The following SERGEF variants were observed in gnomAD, a reference collection of about 807,000 sequenced individuals.
SERGEF encodes secretion-regulating guanine nucleotide exchange factor.
In SERGEF, 51 loss-of-function variants were observed where a neutral mutation model predicts 50.0. That is an observed-to-expected ratio of 1.02 (90% CI 0.81 to 1.29). The LOEUF is 1.29. Among genes scored for constraint, SERGEF ranks in the 50% most tolerant of loss-of-function variants. The pLI is 0.00. For synonymous variants in SERGEF, 205 were observed against 212.4 expected (o/e 0.97, Z 0.30); for missense variants, 521 against 557.0 (o/e 0.94, Z 0.65).
chr11:18,000,458 T>C, intron 5 of SERGEF, 39 bp downstream of exon 5: 1 of 1,402,720 alleles, frequency 7.1e-7, no homozygotes, highest in Non-Finnish European at 9.8e-7. Context: ...CTAAAAAGTA[T>C]TAAAAATAAA....
intron 9 of SERGEF, among the ~76,000 whole-genome samples, chr11:17,885,469 A>T (rs1315438546): frequency 1.3e-5 from 2 of 151,628 alleles, no homozygotes; most frequent in Non-Finnish European, 2.9e-5. Context: ...CTACAGGTAC[A>T]CACCACTATG....
At chr11:17,973,539 G>T (rs999338502) in intron 8 of SERGEF, among the ~76,000 whole-genome samples, 2 of 152,200 alleles carry the variant, frequency 1.3e-5, no homozygotes, top group Non-Finnish European at 2.9e-5. Flanking sequence ...TTCACCCAGA[G>T]GCAGCAGTAG....
intron 9 of SERGEF, among the ~76,000 whole-genome samples, chr11:17,947,235 C>G (rs925389182): frequency 6.6e-6 from 1 of 152,292 alleles, no homozygotes; most frequent in South Asian, 2.1e-4. Flanking sequence ...CCTCAAGTAG[C>G]TCATACTTGA....
rs141832030 is a variant in SERGEF at position 17,884,210 on chromosome 11, G to A, written c.1012-5966C>T. Reference sequence around the variant, plus strand: ...GGTGCTATGGCAACGAGGCGTACGTGCGGAAACACATGATGGCCAGGGTGG... The same window carrying A: ...GGTGCTATGGCAACGAGGCGTACGTACGGAAACACATGATGGCCAGGGTGG... On this transcript the variant is annotated intron_variant, in intron 9 of 10. Coordinates refer to ENST00000265965, the MANE Select transcript of SERGEF (RefSeq NM_012139.4). The surrounding 1 kb of genome is among the most constrained non-coding windows in gnomAD (Gnocchi z 4.6). 1.3e-5 allele frequency among the ~76,000 whole-genome samples: 2 copies of A among 152,358 alleles called. No individual in the cohort carries two copies. Among genetic ancestry groups the A allele is most frequent in the Non-Finnish European group, 2.9e-5 (2 of 68,034 alleles).
chr11:18,008,076 C>T lies in SERGEF; in HGVS notation c.61G>A (p.Gly21Ser). The change falls in exon 2 of 11, where the codon GGT becomes AGT. Residue 21 changes from glycine (G) to serine (S), a missense_variant and splice_region_variant. Transcript: ENST00000265965. ...APAAAALFAW[G>S]ANSYGQLGLG... ...CCAAGTTGCCCATAGCTATTTGCAC[C>T]CTAGGGATGAATAAGCCAAGGATGA... 1 of 1,611,982 alleles carries T rather than the reference C, an allele frequency of 6.2e-7. No homozygotes were observed. Among genetic ancestry groups the T allele is most frequent in the Non-Finnish European group, 8.5e-7 (1 of 1,179,064 alleles).
Position 17,839,370 on chromosome 11 carries a change from T to G in SERGEF, c.1048+38838A>C, listed in dbSNP as rs141539120. On this transcript the variant is annotated intron_variant, in intron 10 of 10. Coordinates refer to ENST00000265965, the MANE Select transcript of SERGEF (RefSeq NM_012139.4). ...GATTTTATCCAACACATTAGAAAAA[T>G]AATTCCTCATAAAATCGGCTTTAGT... Among the ~76,000 whole-genome samples, 79 of 152,196 alleles carry G rather than the reference T, an allele frequency of 5.2e-4. 1 individual carries two copies. The highest frequency in any genetic ancestry group is 1.8e-3 in the African/African-American group (75 of 41,530).
intron 10 of SERGEF, among the ~76,000 whole-genome samples, chr11:17,794,640 A>G (rs1456419236): frequency 1.3e-5 from 2 of 152,182 alleles, no homozygotes; most frequent in Non-Finnish European, 2.9e-5. Context: ...ATATTCATTC[A>G]CCGAATCCTC....
At chr11:17,836,187 C>T (rs1850393996) in intron 10 of SERGEF, among the ~76,000 whole-genome samples, 1 of 152,248 alleles carries the variant, frequency 6.6e-6, no homozygotes, top group African/African-American at 2.4e-5. Flanking sequence ...AGTGAGGTTA[C>T]AGACTAATAG....
Position 17,800,988 on chromosome 11 carries a change from G to A in SERGEF, c.1049-12575C>T, listed in dbSNP as rs910084068. Among the ~76,000 whole-genome samples, 13 of 152,200 alleles carry A rather than the reference G, an allele frequency of 8.5e-5. 1 individual carries two copies. In the South Asian group the frequency reaches 1.2e-3, roughly 15 times the overall value. ...AGGCGGGTGGATCACGAGGTCAGGA[G>A]ATCAAGACCATCCTGGCTAACACGG... On this transcript the variant is annotated intron_variant, in intron 10 of 10. Transcript: ENST00000265965.
At chr11:17,821,932 A>T (rs1850093586) in intron 10 of SERGEF, among the ~76,000 whole-genome samples, 1 of 152,222 alleles carries the variant, frequency 6.6e-6, no homozygotes, top group South Asian at 2.1e-4. Flanking sequence ...CAGCACTGAA[A>T]GGGCAATTCT....
chr11:17,841,917 T>C (rs1003513887), intron 10 of SERGEF, among the ~76,000 whole-genome samples: 4 of 152,204 alleles, frequency 2.6e-5, no homozygotes, highest in African/African-American at 9.7e-5. Context: ...TTATAACTCC[T>C]AGTGATCCTT....
At chr11:17,859,964 AAAG>A (rs1267038456) in intron 10 of SERGEF, among the ~76,000 whole-genome samples, 5 of 152,224 alleles carry the variant, frequency 3.3e-5, no homozygotes, top group African/African-American at 1.2e-4. Context: ...AGACTAATCT[AAAG>A]AAGAAGGAAG....
intron 9 of SERGEF, among the ~76,000 whole-genome samples, chr11:17,942,243 G>C (rs995208870): frequency 1.3e-5 from 2 of 152,262 alleles, no homozygotes; most frequent in Middle Eastern, 3.4e-3. Context: ...CAATCTGTGA[G>C]TGTGATATCT....
At chr11:17,962,451 A>G (rs1353735345) in intron 8 of SERGEF, among the ~76,000 whole-genome samples, 1 of 152,214 alleles carries the variant, frequency 6.6e-6, no homozygotes, top group Non-Finnish European at 1.5e-5. Flanking sequence ...TCAAATCACA[A>G]ATTTAACAAA....
At chr11:17,953,927 C>T (rs1852815040) in intron 9 of SERGEF, among the ~76,000 whole-genome samples, 1 of 152,176 alleles carries the variant, frequency 6.6e-6, no homozygotes, top group Admixed American at 6.5e-5. Context: ...GTTATTTCTC[C>T]CCCTGCTATG....
At chr11:18,004,184 C>A (rs556133570) in intron 4 of SERGEF, among the ~76,000 whole-genome samples, 1 of 152,282 alleles carries the variant, frequency 6.6e-6, no homozygotes, top group South Asian at 2.1e-4. Flanking sequence ...TCATCAATAT[C>A]CTTATGAGAT....
intron 9 of SERGEF, among the ~76,000 whole-genome samples, chr11:17,909,198 TA>T (rs1851905179): frequency 1.3e-5 from 2 of 152,208 alleles, no homozygotes; most frequent in Admixed American, 1.3e-4. Flanking sequence ...CTAGGAATCT[TA>T]GATTCTTCAT....
intron 9 of SERGEF, among the ~76,000 whole-genome samples, chr11:17,944,222 C>T (rs1276838912): frequency 1.3e-5 from 2 of 152,102 alleles, no homozygotes; most frequent in African/African-American, 2.4e-5. Context: ...CCACCGTGCC[C>T]GGCCTTTATT....
At chr11:17,820,292 C>G (rs989926358) in intron 10 of SERGEF, among the ~76,000 whole-genome samples, 1 of 152,014 alleles carries the variant, frequency 6.6e-6, no homozygotes, top group Non-Finnish European at 1.5e-5. Context: ...AGCCTGCTCT[C>G]GATCCTCTAA....
Sources: gnomAD v4.1 joint callset for allele counts (sites outside exome capture counted in the v4.1 genomes callset) on GRCh38, gnomAD v4.1.1 for gene constraint, Gnocchi (gnomAD v3.1) non-coding constraint, MANE v1.5 for transcripts, NCBI Gene and HGNC (gene_info 2026-07-23, HGNC 2026-07-21) for gene names.